The following SP140 variants were observed in gnomAD, a reference collection of about 807,000 sequenced individuals.
SP140 encodes SP140 nuclear body protein, also known as nuclear body protein SP140.
In SP140, 81 loss-of-function variants were observed where a neutral mutation model predicts 125.0. The ratio of observed to expected loss-of-function variants is 0.65; its 90% CI spans 0.54 to 0.78. The LOEUF (loss-of-function observed/expected upper bound fraction) is 0.78, where lower values mean the gene tolerates loss of function less well. Among genes scored for constraint, SP140 ranks in the 30% least tolerant of loss-of-function variants. The pLI is 0.00. For missense variants in SP140, 858 were observed against 1,037.0 expected, an observed-to-expected ratio of 0.83 and a Z score of 2.37; for synonymous variants, 312 against 354.0, an observed-to-expected ratio of 0.88 and a Z score of 1.33.
At chr2:230,238,904 G>A (rs755719583) in intron 3 of SP140, 39 of 1,550,390 alleles carry the variant, frequency 2.5e-5, no homozygotes, top group Non-Finnish European at 3.1e-5. Flanking sequence ...GGGGTTGGTG[G>A]GGGCCTTTCC....
At chr2:230,299,604 G>A (rs2058097820) in intron 22 of SP140, among the ~76,000 whole-genome samples, 7 of 152,150 alleles carry the variant, frequency 4.6e-5, no homozygotes, top group Admixed American at 3.9e-4. Context: ...CAGAATCTGG[G>A]GGTGTGAACC....
upstream of SP140, chr2:230,202,596 C>G (rs144163010): frequency 3.7e-6 from 6 of 1,614,184 alleles, no homozygotes; most frequent in South Asian, 1.1e-5. Flanking sequence ...TCTCGACTTT[C>G]GGGCACATTC....
chr2:230,290,627 A>T, intron 19 of SP140, 63 bp downstream of exon 19: 1 of 1,335,210 alleles, frequency 7.5e-7, no homozygotes, highest in South Asian at 1.2e-5. Flanking sequence ...GTAGTGGGGA[A>T]TTATCATGTG....
chr2:230,241,334 T>A lies in SP140; in HGVS notation c.407-70T>A, dbSNP rs978119817. ...TCCTGGGGCTTGGACATCAAGTTCA[T>A]CTTGAGCACACTGAGGTCTCTCCTC... On this transcript the variant is annotated intron_variant, in intron 3 of 26. Coordinates refer to ENST00000392045, the MANE Select transcript of SP140 (RefSeq NM_007237.5). The A allele has an allele frequency of 2.6e-5, 25 of 953,692 alleles. No homozygotes were observed. In the South Asian group the frequency reaches 3.2e-4, roughly 12 times the overall value. 59.1% of individuals were successfully genotyped at this position (953,692 alleles called of 1,614,324 possible).
upstream of SP140, among the ~76,000 whole-genome samples, chr2:230,222,252 A>G (rs1012464376): frequency 6.6e-6 from 1 of 151,724 alleles, no homozygotes; most frequent in Admixed American, 6.6e-5. Context: ...AAAAAAATGC[A>G]TGCTTGAGAA....
chr2:230,212,844 T>A (rs369596200), intron 1 of SP140: 1 of 1,614,062 alleles, frequency 6.2e-7, no homozygotes, highest in Non-Finnish European at 8.5e-7. Context: ...CAGGATCTCA[T>A]CGCTTTGCTG....
At chr2:230,288,673 T>C (rs2056774083) in intron 18 of SP140, among the ~76,000 whole-genome samples, 1 of 152,082 alleles carries the variant, frequency 6.6e-6, no homozygotes, top group Non-Finnish European at 1.5e-5. Context: ...CCTGTGTCCA[T>C]GTGTCCTTAT....
the SP140 span, among the ~76,000 whole-genome samples, chr2:230,196,178 G>A: frequency 0.028 from 4,219 of 152,192 alleles, 197 homozygotes; most frequent in African/African-American, 0.096. Context: ...TTAAGATATA[G>A]ATTTTAACCA....
chr2:230,212,525 G>A, intron 1 of SP140: 1 of 1,114,916 alleles, frequency 9.0e-7, no homozygotes, highest in Admixed American at 1.7e-5. Context: ...AGAGCATCAA[G>A]GCACAAGGGC....
chr2:230,216,994 C>T, intron 3 of SP140: 3 of 1,477,394 alleles, frequency 2.0e-6, no homozygotes, highest in Non-Finnish European at 2.8e-6. Flanking sequence ...GCCTGTAATC[C>T]CGGCACTTTG....
At chr2:230,274,792 T>G (rs74656015) in intron 15 of SP140, among the ~76,000 whole-genome samples, 1,636 of 152,180 alleles carry the variant, frequency 0.011, 21 homozygotes, top group African/African-American at 0.028. Context: ...AAAATACTTG[T>G]TCCCTGTAAA....
chr2:230,252,083 A>G (rs894647118), intron 10 of SP140, among the ~76,000 whole-genome samples: 3 of 152,058 alleles, frequency 2.0e-5, no homozygotes, highest in African/African-American at 4.8e-5. Flanking sequence ...ACTTTTATTA[A>G]CAAGTAAAGC....
At chr2:230,293,489 A>C (rs1294117765) in intron 20 of SP140, among the ~76,000 whole-genome samples, 1 of 152,098 alleles carries the variant, frequency 6.6e-6, no homozygotes, top group Non-Finnish European at 1.5e-5. Context: ...GTTGTGCACC[A>C]CCATGCCAGG....
At chr2:230,291,188 TG>T (rs2057069707) in intron 19 of SP140, among the ~76,000 whole-genome samples, 1 of 152,252 alleles carries the variant, frequency 6.6e-6, no homozygotes, top group Non-Finnish European at 1.5e-5. Flanking sequence ...TCTATTAGAA[TG>T]GCCATCATCT....
chr2:230,247,970 G>A lies in SP140; in HGVS notation c.797G>A (p.Gly266Glu). 2 of 1,613,882 alleles carry A rather than the reference G, an allele frequency of 1.2e-6. No homozygotes were observed. The highest frequency in any genetic ancestry group is 8.5e-7 in the Non-Finnish European group (1 of 1,179,890). Residue 266 changes from glycine to glutamate, a missense_variant, in exon 8 of 27, where the codon GGG (glycine) becomes GAG (glutamate). By Grantham distance (98) the Gly-to-Glu change is moderately conservative. Transcript: ENST00000392045. The stretch of plus-strand genomic sequence containing the variant: ...GCAAGGACATACAGCACAGCACCAG[G>A]GGAGAAACAGGGAGAGGAGGAAGGC... The part of the protein sequence containing the change: ...DAARTYSTAP[G>E]EKQGEEEGRN...
chr2:230,216,903 C>T, intron 3 of SP140: 1 of 1,613,870 alleles, frequency 6.2e-7, no homozygotes, highest in Non-Finnish European at 8.5e-7. Flanking sequence ...AGAGCCTCTT[C>T]CATGGCTCTT....
At chr2:230,288,346 A>T (rs575279959) in intron 18 of SP140, among the ~76,000 whole-genome samples, 1 of 152,340 alleles carries the variant, frequency 6.6e-6, no homozygotes, top group African/African-American at 2.4e-5. Flanking sequence ...GTGGTTAGAG[A>T]TCTGTGTCCT....
chr2:230,284,810 A>AT (rs1253619104), intron 16 of SP140, among the ~76,000 whole-genome samples: 1 of 152,206 alleles, frequency 6.6e-6, no homozygotes, highest in Non-Finnish European at 1.5e-5. Context: ...TGTGAAGTAT[A>AT]TTTTTATGTA....
chr2:230,212,996 G>GTC, intron 1 of SP140: 1 of 1,614,066 alleles, frequency 6.2e-7, no homozygotes, highest in Non-Finnish European at 8.5e-7. Context: ...GGATTGGTGT[G>GTC]TCTCTGCTCT....
Sources: allele counts gnomAD v4.1 joint callset (sites outside exome capture counted in the v4.1 genomes callset), GRCh38; gene constraint gnomAD v4.1.1; transcripts MANE v1.5; gene names NCBI Gene and HGNC (gene_info 2026-07-23, HGNC 2026-07-21).